The following IFT46 variants were observed in gnomAD, a reference collection of about 807,000 sequenced individuals.
IFT46 encodes the protein intraflagellar transport 46.
In IFT46, 19 loss-of-function variants were observed where a neutral mutation model predicts 39.6. The ratio of observed to expected loss-of-function variants is 0.48; its 90% CI spans 0.33 to 0.70. The LOEUF is 0.70. Ranked by LOEUF, IFT46 falls within the 30% of genes least tolerant of loss-of-function variation. The pLI is 0.01. For synonymous variants in IFT46, 117 were observed against 134.8 expected (o/e 0.87, Z 0.91); for missense variants, 334 against 364.8 (o/e 0.92, Z 0.69).
intron 9 of IFT46, chr11:118,546,342 T>G (rs1443299191): frequency 1.7e-6 from 1 of 576,420 alleles, no homozygotes; most frequent in Non-Finnish European, 3.2e-6. Context: ...TACAAAAAAA[T>G]TAGCCGGGTG....
At position 118,556,919 on chromosome 11, in the gene IFT46, C is replaced by A. The variant is rs1452423369; in HGVS notation, c.172G>T (p.Ala58Ser). Residue 58 changes from alanine to serine, a missense_variant, in exon 4 of 12, where the codon GCC becomes TCC. Ala to Ser is a moderately conservative substitution (Grantham distance 99). Transcript: ENST00000264021. ...DSDDDDEEHG[A>S]PLEGAYDPAD... ...TTCTTTCCTCACCCTTCCAGAGGGG[C>A]TCCATGCTCTTCATCATCATCATCA... 9 of 1,605,974 alleles carry A rather than the reference C, an allele frequency of 5.6e-6. No individual in the cohort carries two copies. Among genetic ancestry groups the A allele is most frequent in the Non-Finnish European group, 7.7e-6 (9 of 1,175,700 alleles).
chr11:118,567,573 C>A (rs190606785), upstream of IFT46, among the ~76,000 whole-genome samples: 45 of 152,250 alleles, frequency 3.0e-4, 1 homozygote, highest in East Asian at 8.1e-3. Context: ...GAGACTCCGT[C>A]TCAAAATAAT....
chr11:118,545,916 C>T, intron 9 of IFT46, 63 bp from the exon 10 acceptor site: 2 of 1,426,244 alleles, frequency 1.4e-6, no homozygotes, highest in Non-Finnish European at 2.0e-6. Flanking sequence ...GAACCACTCT[C>T]TCTCTCTGAA....
At chr11:118,572,902 G>A (rs1555072704) in exon 1 of IFT46, 3 of 307,526 alleles carry the variant, frequency 9.8e-6, no homozygotes, top group South Asian at 2.0e-4. Flanking sequence ...ATGCTGTCCC[G>A]CCGGTTCCCT....
rs138154381 is a variant in IFT46, at chr11:118,548,541, T to C, written c.673-2688A>G. Among the ~76,000 whole-genome samples, 1,065 of 151,268 alleles carry C rather than the reference T, an allele frequency of 7.0e-3. 49 individuals are homozygous for C. The highest frequency in any genetic ancestry group is 0.025 in the African/African-American group (1,017 of 40,828). On this transcript the variant is annotated intron_variant, in intron 9 of 11. Coordinates refer to ENST00000264021, the MANE Select transcript of IFT46 (RefSeq NM_001168618.2). ...CACCATGCCTGGCTAATTTTTGTATTTTTAGTAGAGATGGGGTTTCACCAC... is the reference window on the plus strand; with the variant it reads ...CACCATGCCTGGCTAATTTTTGTATCTTTAGTAGAGATGGGGTTTCACCAC...
At chr11:118,557,738 C>A in intron 3 of IFT46, 1 of 1,613,952 alleles carries the variant, frequency 6.2e-7, no homozygotes, top group Non-Finnish European at 8.5e-7. Context: ...TATAACCTAC[C>A]TTTCTGTGCT....
Position 118,548,227 on chromosome 11 carries a change from G to A in IFT46, c.673-2374C>T, listed in dbSNP as rs541281970. ...ATATATAAGAGCTCTTTGCTTGGACGGTAATTTTTTCTATTACATACATAT... is the reference window on the plus strand; with the variant it reads ...ATATATAAGAGCTCTTTGCTTGGACAGTAATTTTTTCTATTACATACATAT... On this transcript the variant is annotated intron_variant, in intron 9 of 11. Coordinates refer to ENST00000264021, the MANE Select transcript of IFT46 (RefSeq NM_001168618.2). Among the ~76,000 whole-genome samples, 8 of 150,490 alleles carry A rather than the reference G, an allele frequency of 5.3e-5. No individual in the cohort carries two copies. The South Asian group carries it at 1.0e-3, about 20-fold the overall frequency.
chr11:118,548,687 G>A (rs1951753460), intron 9 of IFT46, among the ~76,000 whole-genome samples: 1 of 151,742 alleles, frequency 6.6e-6, no homozygotes, highest in Non-Finnish European at 1.5e-5. Context: ...ATTTTTAGTA[G>A]AGATGGGGTT....
chr11:118,563,144 A>G (rs965452233), intron 2 of IFT46, among the ~76,000 whole-genome samples: 4 of 151,910 alleles, frequency 2.6e-5, no homozygotes, highest in African/African-American at 9.7e-5. Flanking sequence ...AACAACACAG[A>G]TGAACCTTAA....
Position 118,550,488 on chromosome 11 carries a change from T to G in IFT46, c.672+1298A>C, listed in dbSNP as rs558069213. On this transcript the variant is annotated intron_variant, in intron 9 of 11. Coordinates refer to ENST00000264021, the MANE Select transcript of IFT46 (RefSeq NM_001168618.2). ...TAACTCTTTTTTTCCCTTCTTTTATTTATTTGTTTATTTTTGGAAACAGAG... is the reference window on the plus strand; with the variant it reads ...TAACTCTTTTTTTCCCTTCTTTTATGTATTTGTTTATTTTTGGAAACAGAG... 5.9e-5 allele frequency among the ~76,000 whole-genome samples: 9 copies of G among 152,260 alleles called. No homozygotes were observed. The South Asian group carries it at 1.7e-3, about 28-fold the overall frequency.
rs1951632660 is a variant in IFT46 at position 118,544,679 on chromosome 11, C to T, written c.*237G>A. 17 of 444,198 alleles carry T rather than the reference C, an allele frequency of 3.8e-5. 1 individual carries two copies. The South Asian group carries it at 6.8e-4, about 18-fold the overall frequency. The allele number at this position is 444,198 out of a possible 1,614,324, so 27.5% of individuals were successfully genotyped here. A position where few individuals can be genotyped will look rare whatever the true frequency, so the allele number is the denominator to read the frequency against. Reference sequence around the variant, plus strand: ...ATCTCAGAAATTCCAATTCTTATAACTCAAATCCCCACAGTGGTGTAGATG... The same window carrying T: ...ATCTCAGAAATTCCAATTCTTATAATTCAAATCCCCACAGTGGTGTAGATG... On this transcript the variant is annotated 3_prime_UTR_variant, in exon 12 of 12. Coordinates refer to ENST00000264021, the MANE Select transcript of IFT46 (RefSeq NM_001168618.2).
intron 1 of IFT46, chr11:118,572,376 C>A: frequency 5.9e-6 from 1 of 169,644 alleles, no homozygotes; most frequent in Non-Finnish European, 1.3e-5. Flanking sequence ...TGACCTGCGC[C>A]GCTTCCGGTT....
In IFT46 at chr11:118,572,442, G is replaced by T. The variant is rs1039790717; in HGVS notation, c.-133+154C>A. On this transcript the variant is annotated intron_variant, in intron 1 of 5. Transcript: ENST00000528378. The stretch of plus-strand genomic sequence containing the variant: ...AAGAGGCGAAGCGGCAGCGGTTCCT[G>T]TCAAGGGGGCAGCAGGTCCAGAGCT... 52 of 1,271,352 alleles carry T rather than the reference G, an allele frequency of 4.1e-5. No homozygotes were observed. The Middle Eastern group carries it at 5.7e-4, about 14-fold the overall frequency. 78.8% of individuals were successfully genotyped at this position (1,271,352 alleles called of 1,614,324 possible). A position where few individuals can be genotyped will look rare whatever the true frequency, so the allele number is the denominator to read the frequency against.
chr11:118,553,439 CA>C (rs34453997), intron 7 of IFT46, among the ~76,000 whole-genome samples: 3,283 of 89,726 alleles, frequency 0.037, 83 homozygotes, highest in African/African-American at 0.1. Context: ...AAAACTGTCT[CA>C]AAAAAAAAAA....
Position 118,544,722 on chromosome 11 carries a change from C to A in IFT46, c.*194G>T. On this transcript the variant is annotated 3_prime_UTR_variant, in exon 12 of 12. Transcript: ENST00000264021. ...TGTAGATGCATTAACTCCCCGGGGACAGCAATCTGAGGCAGGCAGGTTCAT... is the reference window on the plus strand; with the variant it reads ...TGTAGATGCATTAACTCCCCGGGGAAAGCAATCTGAGGCAGGCAGGTTCAT... 1.8e-6 allele frequency: 1 copy of A among 548,294 alleles called. No homozygotes were observed. Among genetic ancestry groups the A allele is most frequent in the East Asian group, 3.0e-5 (1 of 32,948 alleles). The allele number at this position is 548,294 out of a possible 1,614,324, so 34.0% of individuals were successfully genotyped here.
chr11:118,565,590 C>T (rs1430700529), intron 1 of IFT46, 200 bp downstream of exon 1: 1 of 152,288 alleles, frequency 6.6e-6, no homozygotes, highest in Non-Finnish European at 1.5e-5. Flanking sequence ...TCATCACCTC[C>T]ACTTTCACCC....
At chr11:118,572,301 T>G in intron 1 of IFT46, 1 of 509,202 alleles carries the variant, frequency 2.0e-6, no homozygotes, top group Non-Finnish European at 3.5e-6. Flanking sequence ...CTGGGCTTAA[T>G]CGTAACCGGA....
chr11:118,559,091 C>G (rs1329192895), intron 3 of IFT46, among the ~76,000 whole-genome samples: 1 of 151,850 alleles, frequency 6.6e-6, no homozygotes, highest in Non-Finnish European at 1.5e-5. Context: ...TGGTCTCAAA[C>G]TCCTGACCTC....
chr11:118,568,046 A>G (rs184111432), upstream of IFT46, among the ~76,000 whole-genome samples: 68 of 152,300 alleles, frequency 4.5e-4, no homozygotes, highest in Admixed American at 3.3e-3. Context: ...GCATGCTTAC[A>G]GGGTTGCTTT....
Sources: gnomAD v4.1 joint callset for allele counts (sites outside exome capture counted in the v4.1 genomes callset) on GRCh38, gnomAD v4.1.1 for gene constraint, MANE v1.5 for transcripts, NCBI Gene and HGNC (gene_info 2026-07-23, HGNC 2026-07-21) for gene names.